Variants in GFUS observed in about 807,000 individuals in gnomAD.
GFUS encodes the protein GDP-L-fucose synthase.
In GFUS, 42 loss-of-function variants were observed where a neutral mutation model predicts 41.5. That is an observed-to-expected ratio of 1.01 (90% CI 0.79 to 1.31). The LOEUF (loss-of-function observed/expected upper bound fraction) is 1.31, where lower values mean the gene tolerates loss of function less well. Among genes scored for constraint, GFUS ranks in the 50% most tolerant of loss-of-function variants. The pLI is 0.00. For synonymous variants in GFUS, 188 were observed against 173.4 expected, an observed-to-expected ratio of 1.08 and a Z score of -0.66; for missense variants, 437 against 428.7, an observed-to-expected ratio of 1.02 and a Z score of -0.17.
rs1292964395 is a variant in GFUS at position 143,612,696 on chromosome 8, G to A, written c.*214C>T. On this transcript the variant is annotated 3_prime_UTR_variant, in exon 11 of 11. Coordinates refer to ENST00000425753, the MANE Select transcript of GFUS (RefSeq NM_003313.4). ...TGGACACGCGCAGGGGGCTGGTGTG[G>A]GGAGCAAAGCGCCGGGCCTGCCCGG... The A allele has an allele frequency of 6.5e-6, 4 of 617,084 alleles. No homozygotes were observed. Among genetic ancestry groups the A allele is most frequent in the Admixed American group, 2.8e-5 (1 of 35,606 alleles). 38.2% of individuals were successfully genotyped at this position (617,084 alleles called of 1,614,324 possible). A position where few individuals can be genotyped will look rare whatever the true frequency, so the allele number is the denominator to read the frequency against.
chr8:143,613,278 C>G lies in GFUS; in HGVS notation c.828G>C (p.Ser276=), dbSNP rs555039337. 110 of 1,613,960 alleles carry G rather than the reference C, an allele frequency of 6.8e-5. No homozygotes were observed. The highest frequency in any genetic ancestry group is 8.5e-5 in the Non-Finnish European group (100 of 1,179,988). The part of the protein sequence containing the change: ...HGEVTFDTTK[S]DGQFKKTASN... Reference sequence around the variant, plus strand: ...TGGCTGTCTTCTTAAACTGCCCATCCGACTTGGTTGTATCAAACTGGAGGC... The same window carrying G: ...TGGCTGTCTTCTTAAACTGCCCATCGGACTTGGTTGTATCAAACTGGAGGC... The change falls in exon 10 of 11, where the codon TCG becomes TCC. Residue 276 remains serine (S), a synonymous_variant. Transcript: ENST00000425753.
In GFUS at chr8:143,612,733, C is replaced by T; in HGVS notation, c.*177G>A. 1 of 751,758 alleles carries T rather than the reference C, an allele frequency of 1.3e-6. No homozygotes were observed. 46.6% of individuals were successfully genotyped at this position (751,758 alleles called of 1,614,324 possible). A position where few individuals can be genotyped will look rare whatever the true frequency, so the allele number is the denominator to read the frequency against. ...CCGGGCCTGCCCGGGACCCTGGTTTCCCTGAGGACCAACGTGAATGGGGGC... is the reference window on the plus strand; with the variant it reads ...CCGGGCCTGCCCGGGACCCTGGTTTTCCTGAGGACCAACGTGAATGGGGGC... On this transcript the variant is annotated 3_prime_UTR_variant, in exon 11 of 11. Transcript: ENST00000425753.
chr8:143,613,918 G>A (rs1292621989), intron 7 of GFUS, 101 bp from the exon 8 acceptor site: 1 of 1,339,362 alleles, frequency 7.5e-7, no homozygotes, highest in Admixed American at 2.0e-5. Context: ...TTCAGTGGGG[G>A]CTCAGCCTGG....
rs754038257 is a variant in GFUS at position 143,613,282 on chromosome 8, T to C, written c.824A>G (p.Lys275Arg). 1.2e-6 allele frequency: 2 copies of C among 1,614,062 alleles called. No individual in the cohort carries two copies. The highest frequency in any genetic ancestry group is 8.5e-7 in the Non-Finnish European group (1 of 1,179,958). ...FHGEVTFDTT[K>R]SDGQFKKTAS... Reference sequence around the variant, plus strand: ...TGTCTTCTTAAACTGCCCATCCGACTTGGTTGTATCAAACTGGAGGCTTTG... The same window carrying C: ...TGTCTTCTTAAACTGCCCATCCGACCTGGTTGTATCAAACTGGAGGCTTTG... Residue 275 changes from lysine to arginine, a missense_variant, in exon 10 of 11, where the codon AAG becomes AGG. By Grantham distance (26) the Lys-to-Arg change is conservative. Transcript: ENST00000425753.
intron 10 of GFUS, 108 bp from the exon 11 acceptor site, chr8:143,613,073 G>T (rs1461608531): frequency 6.4e-7 from 1 of 1,550,806 alleles, no homozygotes; most frequent in African/African-American, 1.4e-5. Flanking sequence ...CAGAGCTTTG[G>T]TGTCCCACCT....
At chr8:143,613,887 G>A in intron 7 of GFUS, 70 bp from the exon 8 acceptor site, 4 of 1,480,592 alleles carry the variant, frequency 2.7e-6, no homozygotes, top group Non-Finnish European at 3.7e-6. Flanking sequence ...CCCTGCTGGG[G>A]AGTCCATACT....
chr8:143,614,286 G>C (rs767268628), intron 6 of GFUS, 34 bp downstream of exon 6: 2 of 1,613,586 alleles, frequency 1.2e-6, no homozygotes. Context: ...CTCCCGAGCT[G>C]AGCCCGGGCA....
At chr8:143,616,458 G>T (rs1265664225) in intron 2 of GFUS, 109 bp downstream of exon 2, 1 of 1,553,322 alleles carries the variant, frequency 6.4e-7, no homozygotes, top group South Asian at 1.1e-5. Context: ...GAAGGACCCA[G>T]AAACACAGCT....
In GFUS at chr8:143,614,818, TCAGGGAAG is replaced by T. The variant is rs780059805; in HGVS notation, c.351_358del (p.Phe118GlnfsTer8). ...CTCATCTATCGGGTAGGTCGTCTTG[TCAGGGAAG>T]ATACAGGTGGACAGGCAGGACACCA... On this transcript the variant is annotated frameshift_variant, in exon 4 of 11. Transcript: ENST00000425753. LOFTEE classifies it high-confidence loss of function. 6.2e-7 allele frequency: 1 copy of T among 1,613,634 alleles called. No homozygotes were observed. The highest frequency in any genetic ancestry group is 8.5e-7 in the Non-Finnish European group (1 of 1,179,986).
chr8:143,616,480 C>T, intron 2 of GFUS, 87 bp downstream of exon 2: 1 of 1,593,654 alleles, frequency 6.3e-7, no homozygotes, highest in Non-Finnish European at 8.6e-7. Context: ...CTGTTAGACT[C>T]AGCAACATGC....
chr8:143,613,848 A>G lies in GFUS; in HGVS notation c.664-31T>C, dbSNP rs370493496. 8.1e-5 allele frequency: 125 copies of G among 1,549,936 alleles called. No homozygotes were observed. In the African/African-American group the frequency reaches 1.6e-3, roughly 20 times the overall value. On this transcript the variant is annotated intron_variant, in intron 7 of 10. Transcript: ENST00000425753. Reference sequence around the variant, plus strand: ...GGTCAGACAGGCAGGGTCAGAGACCATGGGTATAGCCAACCCTCTCCCAAA... The same window carrying G: ...GGTCAGACAGGCAGGGTCAGAGACCGTGGGTATAGCCAACCCTCTCCCAAA...
chr8:143,613,849 T>A (rs1447611088), intron 7 of GFUS, 32 bp from the exon 8 acceptor site: 1 of 1,549,616 alleles, frequency 6.5e-7, no homozygotes, highest in East Asian at 2.4e-5. Context: ...TCAGAGACCA[T>A]GGGTATAGCC....
rs140641547 is a variant in GFUS, at chr8:143,614,386, C to T, written c.532G>A (p.Asp178Asn). 1.2e-5 allele frequency: 20 copies of T among 1,613,848 alleles called. No individual in the cohort carries two copies. Among genetic ancestry groups the T allele is most frequent in the Admixed American group, 3.3e-5 (2 of 60,000 alleles). Reference sequence around the variant, plus strand: ...TGGCCATCCTCGATGTTGAAGTTGTCGTGGGGCCCGAAGACGTTGGTGGGG... The same window carrying T: ...TGGCCATCCTCGATGTTGAAGTTGTTGTGGGGCCCGAAGACGTTGGTGGGG... Reference protein sequence around the residue: ...VIPTNVFGPHDNFNIEDGHVL... With the variant: ...VIPTNVFGPHNNFNIEDGHVL... The change falls in exon 6 of 11, where the codon GAC becomes AAC. Residue 178 changes from aspartate (D) to asparagine (N), a missense_variant. Transcript: ENST00000425753.
intron 10 of GFUS, 115 bp downstream of exon 10, chr8:143,613,081 C>T: frequency 1.9e-6 from 3 of 1,544,330 alleles, no homozygotes; most frequent in Non-Finnish European, 2.7e-6. Flanking sequence ...TGGTGTCCCA[C>T]CTCCAGGGCA....
At chr8:143,613,648 C>T (rs377646282) in intron 8 of GFUS, 45 bp from the exon 9 acceptor site, 52 of 1,602,454 alleles carry the variant, frequency 3.2e-5, no homozygotes, top group South Asian at 6.7e-5. Context: ...TGCCACCCGA[C>T]GGCCCATGAA....
intron 3 of GFUS, 127 bp downstream of exon 3, chr8:143,615,979 C>T: frequency 1.3e-6 from 1 of 791,768 alleles, no homozygotes; most frequent in East Asian, 2.7e-5. Flanking sequence ...CCAGGCTGTG[C>T]CAAGCCCTGA....
chr8:143,616,337 C>A lies in GFUS; in HGVS notation c.147-117G>T, dbSNP rs1307249456. The A allele has an allele frequency of 5.0e-6, 6 of 1,204,278 alleles. No homozygotes were observed. The East Asian group carries it at 1.2e-4, about 23-fold the overall frequency. The allele number at this position is 1,204,278 out of a possible 1,614,324, so 74.6% of individuals were successfully genotyped here. ...GAGGGACAGTCAAAAGGGAGGGTGG[C>A]CCCAGGGCCTGGCTGATATGAGGGT... On this transcript the variant is annotated intron_variant, in intron 2 of 10. Coordinates refer to ENST00000425753, the MANE Select transcript of GFUS (RefSeq NM_003313.4).
intron 10 of GFUS, 65 bp from the exon 11 acceptor site, chr8:143,613,030 G>T: frequency 6.3e-7 from 1 of 1,587,596 alleles, no homozygotes; most frequent in Non-Finnish European, 8.6e-7. Flanking sequence ...AGGAAGTGGG[G>T]GGAGGAGGCC....
At position 143,616,598 on chromosome 8, in the gene GFUS, C is replaced by A; in HGVS notation, c.115G>T (p.Val39Leu). 1 of 1,613,900 alleles carries A rather than the reference C, an allele frequency of 6.2e-7. No individual in the cohort carries two copies. Among genetic ancestry groups the A allele is most frequent in the South Asian group, 1.1e-5 (1 of 91,084 alleles). ...DGAGLPGEDW[V>L]FVSSKDADLT... ...TCGGCGTCTTTAGAGGAGACAAACA[C>A]CCAGTCCTCTCCAGGAAGTCCAGCT... The change falls in exon 2 of 11, where the codon GTG (valine) becomes TTG (leucine). Residue 39 changes from valine (V) to leucine (L), a missense_variant. By Grantham distance (32) the Val-to-Leu change is conservative (BLOSUM62 1). Coordinates refer to ENST00000425753, the MANE Select transcript of GFUS (RefSeq NM_003313.4).
Sources: allele counts gnomAD v4.1 joint callset, GRCh38; gene constraint gnomAD v4.1.1; transcripts MANE v1.5; gene names NCBI Gene and HGNC (gene_info 2026-07-23, HGNC 2026-07-21).